The following ANO6 variants were observed in gnomAD, a reference collection of about 807,000 sequenced individuals.
ANO6 encodes the protein anoctamin-6.
In ANO6, 106 loss-of-function variants were observed where a neutral mutation model predicts 117.5. The ratio of observed to expected loss-of-function variants is 0.90; its 90% CI spans 0.77 to 1.06. The LOEUF (loss-of-function observed/expected upper bound fraction) is 1.06, where lower values mean the gene tolerates loss of function less well. Among genes scored for constraint, ANO6 ranks in the 50% least tolerant of loss-of-function variants. ANO6 has a pLI of 0.00. For missense variants in ANO6, 955 were observed against 1,121.1 expected (o/e 0.85, Z 2.12); for synonymous variants, 367 against 385.1 (o/e 0.95, Z 0.55).
chr12:45,344,902 A>G (rs1465295750), intron 3 of ANO6, among the ~76,000 whole-genome samples: 4 of 152,156 alleles, frequency 2.6e-5, no homozygotes, highest in Admixed American at 6.5e-5. Context: ...GAAAGTGCTG[A>G]AGAACTTCTC....
intron 3 of ANO6, among the ~76,000 whole-genome samples, chr12:45,333,780 T>G (rs1391911201): frequency 6.6e-6 from 1 of 152,048 alleles, no homozygotes; most frequent in Non-Finnish European, 1.5e-5. Context: ...GGAAAAACAT[T>G]TGTGAGTTCC....
intron 12 of ANO6, among the ~76,000 whole-genome samples, chr12:45,393,376 A>G (rs551705090): frequency 1.1e-4 from 16 of 152,364 alleles, no homozygotes; most frequent in Admixed American, 2.6e-4. Flanking sequence ...TGATTGGCGT[A>G]TCTGAAAGTG....
intron 2 of ANO6, among the ~76,000 whole-genome samples, chr12:45,308,048 A>ATTT (rs1218638312): frequency 0.027 from 1,887 of 69,052 alleles, 386 homozygotes; most frequent in East Asian, 0.16. Context: ...TGTGTGTGTA[A>ATTT]TTTTTTTTTT....
chr12:45,406,115 G>C (rs1345296368), intron 15 of ANO6, among the ~76,000 whole-genome samples: 1 of 152,150 alleles, frequency 6.6e-6, no homozygotes, highest in Non-Finnish European at 1.5e-5. Flanking sequence ...CCCTTGACTA[G>C]GATTCTTGCA....
At chr12:45,406,414 C>T (rs955271345) in intron 15 of ANO6, among the ~76,000 whole-genome samples, 21 of 152,290 alleles carry the variant, frequency 1.4e-4, no homozygotes, top group African/African-American at 4.8e-4. Flanking sequence ...TGTGTTAACT[C>T]ACTCTGGAGA....
chr12:45,376,738 G>A (rs1343336724), intron 9 of ANO6, among the ~76,000 whole-genome samples: 52 of 150,568 alleles, frequency 3.5e-4, no homozygotes, highest in Non-Finnish European at 4.4e-4. Context: ...GCATTGGGAG[G>A]TATACCTAAT....
chr12:45,354,273 C>T (rs757115129), intron 7 of ANO6, among the ~76,000 whole-genome samples: 10 of 151,920 alleles, frequency 6.6e-5, no homozygotes, highest in Non-Finnish European at 1.5e-4. Context: ...AGGATCAAGA[C>T]TCAATAGCAT....
chr12:45,343,137 C>CT (rs549620656), intron 3 of ANO6, among the ~76,000 whole-genome samples: 57 of 152,234 alleles, frequency 3.7e-4, no homozygotes, highest in Admixed American at 9.2e-4. Flanking sequence ...TAGTGGATAG[C>CT]TAGGGGCCAG....
intron 3 of ANO6, among the ~76,000 whole-genome samples, chr12:45,345,749 A>G (rs1941112658): frequency 6.6e-6 from 1 of 151,934 alleles, no homozygotes; most frequent in African/African-American, 2.4e-5. Context: ...GAGTTGATGA[A>G]TAATAAATCA....
chr12:45,293,181 CTG>C (rs1939163406), intron 1 of ANO6, among the ~76,000 whole-genome samples: 1 of 152,298 alleles, frequency 6.6e-6, no homozygotes, highest in Non-Finnish European at 1.5e-5. Flanking sequence ...GCACTAGTAA[CTG>C]TACTGGAGTG....
chr12:45,371,780 T>C (rs1277202534), intron 9 of ANO6, among the ~76,000 whole-genome samples: 1 of 152,212 alleles, frequency 6.6e-6, no homozygotes, highest in East Asian at 1.9e-4. Flanking sequence ...ACAGAAAAAC[T>C]GGAAACTCTA....
intron 16 of ANO6, among the ~76,000 whole-genome samples, chr12:45,415,263 ATTAAT>A (rs1943186448): frequency 6.6e-6 from 1 of 152,184 alleles, no homozygotes; most frequent in African/African-American, 2.4e-5. Context: ...TAGTTTTCTC[ATTAAT>A]TTATTTCTAA....
intron 1 of ANO6, among the ~76,000 whole-genome samples, chr12:45,283,724 C>T (rs1446934140): frequency 6.6e-6 from 1 of 152,154 alleles, no homozygotes; most frequent in Non-Finnish European, 1.5e-5. Flanking sequence ...AGACAGGACT[C>T]GTAGTCTAAG....
intron 3 of ANO6, among the ~76,000 whole-genome samples, chr12:45,343,696 A>C (rs1253484710): frequency 6.6e-6 from 1 of 152,180 alleles, no homozygotes; most frequent in Non-Finnish European, 1.5e-5. Flanking sequence ...GATGGGTTAG[A>C]TAAATAAGGT....
chr12:45,339,207 C>T (rs1047516009), intron 3 of ANO6, among the ~76,000 whole-genome samples: 1 of 152,050 alleles, frequency 6.6e-6, no homozygotes, highest in Non-Finnish European at 1.5e-5. Context: ...CTAAACTTGT[C>T]CTATGAGAAG....
intron 2 of ANO6, among the ~76,000 whole-genome samples, chr12:45,322,730 T>A (rs932940874): frequency 6.6e-6 from 1 of 152,040 alleles, no homozygotes; most frequent in Non-Finnish European, 1.5e-5. Context: ...GCCTCAGAGG[T>A]AGAGGCAATA....
rs1298186971 is a variant in ANO6 at position 45,331,354 on chromosome 12, C to CT, written c.213dup (p.Val72CysfsTer5). On this transcript the variant is annotated frameshift_variant, in exon 3 of 20. Coordinates refer to ENST00000320560, the MANE Select transcript of ANO6 (RefSeq NM_001025356.3). LOFTEE classifies it high-confidence loss of function. ...TTAATGATGGCCAGCGAAGAATTGACTTTGTTCTAGTATATGAGGATGAAA... is the reference window on the plus strand; with the variant it reads ...TTAATGATGGCCAGCGAAGAATTGACTTTTGTTCTAGTATATGAGGATGAAA... The CT allele has an allele frequency of 2.5e-6, 4 of 1,610,014 alleles. No individual in the cohort carries two copies. In the Admixed American group the frequency reaches 5.0e-5, roughly 20 times the overall value.
intron 7 of ANO6, among the ~76,000 whole-genome samples, chr12:45,355,205 A>G (rs942169331): frequency 6.6e-6 from 1 of 152,138 alleles, no homozygotes; most frequent in Non-Finnish European, 1.5e-5. Context: ...ATTGATTTTA[A>G]GAGTTGGGAG....
chr12:45,420,408 G>A (rs904699819), intron 17 of ANO6, among the ~76,000 whole-genome samples: 3 of 148,124 alleles, frequency 2.0e-5, no homozygotes, highest in Non-Finnish European at 4.4e-5. Flanking sequence ...TTGAGGCCAG[G>A]AGTTCCAGAC....
Sources: allele counts gnomAD v4.1 joint callset (sites outside exome capture counted in the v4.1 genomes callset), GRCh38; gene constraint gnomAD v4.1.1; transcripts MANE v1.5; gene names NCBI Gene and HGNC (gene_info 2026-07-23, HGNC 2026-07-21).